Variants in CTIF observed in about 807,000 individuals in gnomAD.
CTIF encodes CBP80/20-dependent translation initiation factor.
A neutral mutation model predicts 66.0 loss-of-function variants in CTIF; 21 were observed. That is an observed-to-expected ratio of 0.32 (90% CI 0.23 to 0.46). The LOEUF is 0.46. Among genes scored for constraint, CTIF ranks in the 20% least tolerant of loss-of-function variants. The pLI is 1.00. For synonymous variants in CTIF, 345 were observed against 326.4 expected, an observed-to-expected ratio of 1.06 and a Z score of -0.62; for missense variants, 739 against 812.7, an observed-to-expected ratio of 0.91 and a Z score of 1.10.
At chr18:48,681,742 A>T (rs944913284) in intron 6 of CTIF, among the ~76,000 whole-genome samples, 2 of 151,704 alleles carry the variant, frequency 1.3e-5, no homozygotes, top group African/African-American at 4.8e-5. Flanking sequence ...TTCCCACCTC[A>T]TCCACCTGCC....
At chr18:48,707,257 C>A (rs1193652733) in intron 6 of CTIF, among the ~76,000 whole-genome samples, 1 of 152,244 alleles carries the variant, frequency 6.6e-6, no homozygotes, top group Non-Finnish European at 1.5e-5. Flanking sequence ...ATTTACCATT[C>A]AAGGGATCTA....
At chr18:48,574,060 C>T (rs1401409125) in intron 1 of CTIF, among the ~76,000 whole-genome samples, 1 of 152,212 alleles carries the variant, frequency 6.6e-6, no homozygotes, top group African/African-American at 2.4e-5. Context: ...CTCACCAGGT[C>T]TCACCTCCTC....
chr18:48,610,329 G>C (rs1016792448), intron 1 of CTIF, among the ~76,000 whole-genome samples: 1 of 151,974 alleles, frequency 6.6e-6, no homozygotes, highest in African/African-American at 2.4e-5. Flanking sequence ...GGGCAGACCT[G>C]GAAACAGGGG....
intron 5 of CTIF, among the ~76,000 whole-genome samples, chr18:48,667,538 A>G (rs940831975): frequency 1.3e-5 from 2 of 152,166 alleles, no homozygotes; most frequent in Non-Finnish European, 2.9e-5. Context: ...TGGGGCCTGC[A>G]TGTTGAAGGC....
At chr18:48,742,607 T>C (rs1018455661) in intron 7 of CTIF, among the ~76,000 whole-genome samples, 42 of 152,268 alleles carry the variant, frequency 2.8e-4, no homozygotes, top group East Asian at 1.9e-4. Flanking sequence ...GATCAACTTA[T>C]TGAGCCTTGC....
At chr18:48,649,496 C>G (rs569416202) in intron 3 of CTIF, among the ~76,000 whole-genome samples, 9 of 152,330 alleles carry the variant, frequency 5.9e-5, no homozygotes, top group African/African-American at 1.7e-4. Flanking sequence ...AGGCCTGTTG[C>G]CTCTGTAGAC....
chr18:48,744,732 A>G (rs1001971492), intron 7 of CTIF, among the ~76,000 whole-genome samples: 6 of 151,968 alleles, frequency 3.9e-5, no homozygotes, highest in African/African-American at 1.5e-4. Context: ...CCTTATTCAT[A>G]TTTCTCCAGC....
chr18:48,843,170 A>G (rs72915620), intron 10 of CTIF, among the ~76,000 whole-genome samples: 3,461 of 151,678 alleles, frequency 0.023, 110 homozygotes, highest in Admixed American at 0.093. Flanking sequence ...AGAGTCAGAC[A>G]TACAGTGCAG....
chr18:48,545,361 G>A (rs1035173391), intron 1 of CTIF, among the ~76,000 whole-genome samples: 2 of 152,214 alleles, frequency 1.3e-5, no homozygotes, highest in Non-Finnish European at 2.9e-5. Context: ...TGGGAGCCAG[G>A]CGGCCATGGG....
intron 7 of CTIF, among the ~76,000 whole-genome samples, chr18:48,713,915 G>C (rs995632725): frequency 1.3e-5 from 2 of 152,212 alleles, no homozygotes; most frequent in Non-Finnish European, 2.9e-5. Flanking sequence ...TGTGCTCGTC[G>C]GGGCGCCCCG....
chr18:48,770,516 G>A (rs905625193), intron 9 of CTIF, among the ~76,000 whole-genome samples: 66 of 152,246 alleles, frequency 4.3e-4, no homozygotes, highest in African/African-American at 1.5e-3. Context: ...CTCCTTTCCC[G>A]TGAAAAGTGG....
intron 1 of CTIF, among the ~76,000 whole-genome samples, chr18:48,555,488 TG>T (rs1568029463): frequency 6.6e-6 from 1 of 152,088 alleles, no homozygotes; most frequent in Non-Finnish European, 1.5e-5. Flanking sequence ...GTGACTGTGA[TG>T]GGGATTGGGG....
chr18:48,600,315 G>A (rs887229842), intron 1 of CTIF, among the ~76,000 whole-genome samples: 3 of 152,098 alleles, frequency 2.0e-5, no homozygotes, highest in African/African-American at 7.2e-5. Context: ...TGTGGCGGTG[G>A]CGATGAGCTC....
At chr18:48,667,863 C>A (rs2091462561) in intron 5 of CTIF, among the ~76,000 whole-genome samples, 1 of 152,212 alleles carries the variant, frequency 6.6e-6, no homozygotes, top group African/African-American at 2.4e-5. Flanking sequence ...CACCTCATGG[C>A]CAGACCAGGA....
At chr18:48,764,429 G>A (rs1193222118) in intron 9 of CTIF, among the ~76,000 whole-genome samples, 1 of 152,218 alleles carries the variant, frequency 6.6e-6, no homozygotes, top group African/African-American at 2.4e-5. Context: ...GGCTCTGGGA[G>A]GTGGGAACCC....
At chr18:48,752,951 G>A (rs1317157121) in intron 7 of CTIF, among the ~76,000 whole-genome samples, 2 of 152,174 alleles carry the variant, frequency 1.3e-5, no homozygotes, top group African/African-American at 2.4e-5. Context: ...TGCAAACTGG[G>A]GTGGGTGTGT....
chr18:48,702,955 C>G (rs963334559), intron 6 of CTIF, among the ~76,000 whole-genome samples: 2 of 151,892 alleles, frequency 1.3e-5, no homozygotes, highest in African/African-American at 2.4e-5. Context: ...CAGGAGGAAG[C>G]CTCTGCTGTT....
rs148681063 is a variant in CTIF at position 48,572,074 on chromosome 18, TTCCTCC to T, written c.-29+32779_-29+32784del. ...TTCTCCTTCTCCTTCCCCCTCACCG[TTCCTCC>T]TCCTCCTCCTCCTCCTTCTCCTCCT... On this transcript the variant is annotated intron_variant, in intron 1 of 11. Coordinates refer to ENST00000256413, the MANE Select transcript of CTIF (RefSeq NM_014772.3). Among the ~76,000 whole-genome samples, 108 of 151,370 alleles carry T rather than the reference TTCCTCC, an allele frequency of 7.1e-4. 3 individuals are homozygous for T. In the South Asian group the frequency reaches 0.019, roughly 26 times the overall value.
At chr18:48,543,318 A>G (rs891260863) in intron 1 of CTIF, among the ~76,000 whole-genome samples, 1 of 152,202 alleles carries the variant, frequency 6.6e-6, no homozygotes, top group Non-Finnish European at 1.5e-5. Context: ...GCATTTCTGC[A>G]TAACTTACCT....
Sources: gnomAD v4.1 joint callset for allele counts (sites outside exome capture counted in the v4.1 genomes callset) on GRCh38, gnomAD v4.1.1 for gene constraint, MANE v1.5 for transcripts, NCBI Gene and HGNC (gene_info 2026-07-23, HGNC 2026-07-21) for gene names.